Variants in PSG9 observed in about 807,000 individuals in gnomAD.
PSG9 encodes pregnancy specific beta-1-glycoprotein 9.
Under a neutral mutation model 41.9 loss-of-function variants are expected in PSG9, and 49 were observed. That is an observed-to-expected ratio of 1.17 (90% CI 0.93 to 1.48). PSG9 has a LOEUF of 1.48. PSG9 is among the 40% of genes most tolerant of loss of function. The pLI is 0.00. For missense variants in PSG9, 641 were observed against 520.3 expected (o/e 1.23, Z -2.26); for synonymous variants, 263 against 196.8 (o/e 1.34, Z -2.82).
Position 43,255,828 on chromosome 19 carries a change from C to T in PSG9, c.1244-2182G>A, listed in dbSNP as rs1189996600. On this transcript the variant is annotated intron_variant, in intron 5 of 5. Coordinates refer to ENST00000270077, the MANE Select transcript of PSG9 (RefSeq NM_002784.5). The stretch of plus-strand genomic sequence containing the variant: ...GTGAAATGATTATACCTGAAATCTA[C>T]AAAATATTGCTGAAAGAAATGAAAG... Among the ~76,000 whole-genome samples, 4 of 146,020 alleles carry T rather than the reference C, an allele frequency of 2.7e-5. 1 individual carries two copies. The highest frequency in any genetic ancestry group is 5.2e-5 in the African/African-American group (2 of 38,336).
chr19:43,269,219 T>A, intron 1 of PSG9, 149 bp downstream of exon 1: 1 of 1,374,682 alleles, frequency 7.3e-7, no homozygotes, highest in Non-Finnish European at 1.0e-6. Context: ...TTGGCCGGAC[T>A]GATCTTGAAC....
At chr19:43,262,254 C>T in intron 2 of PSG9, 116 bp from the exon 3 acceptor site, 2 of 1,513,224 alleles carry the variant, frequency 1.3e-6, no homozygotes, top group Admixed American at 2.2e-5. Flanking sequence ...CCTTAAAAGC[C>T]CATGGCAGGT....
Position 43,268,115 on chromosome 19 carries a change from A to T in PSG9, c.99T>A (p.Thr33=). The T allele has an allele frequency of 6.2e-7, 1 of 1,611,958 alleles. No individual in the cohort carries two copies. Among genetic ancestry groups the T allele is most frequent in the Admixed American group, 1.7e-5 (1 of 59,828 alleles). The change falls in exon 2 of 6, where the codon ACT becomes ACA. Residue 33 remains threonine (T), a synonymous_variant. Transcript: ENST00000270077. The part of the protein sequence containing the change: ...SLLNFWNPPT[T]AEVTIEAQPP... Reference sequence around the variant, plus strand: ...GCTGGGCTTCAATCGTGACTTCGGCAGTGGTGGGCGGGTTCCAGAAGTTTA... The same window carrying T: ...GCTGGGCTTCAATCGTGACTTCGGCTGTGGTGGGCGGGTTCCAGAAGTTTA...
chr19:43,255,145 G>A (rs1457001979), intron 5 of PSG9, among the ~76,000 whole-genome samples: 2 of 141,672 alleles, frequency 1.4e-5, no homozygotes, highest in African/African-American at 2.7e-5. Flanking sequence ...AAAATGAAGC[G>A]ATTACTACCA....
chr19:43,266,474 G>T (rs1320288831), intron 2 of PSG9, among the ~76,000 whole-genome samples: 2 of 152,052 alleles, frequency 1.3e-5, no homozygotes, highest in East Asian at 1.9e-4. Context: ...TAGGGTGTGA[G>T]TGGGGAAAGA....
chr19:43,269,357 T>C lies in PSG9; in HGVS notation c.64+11A>G. 2 of 1,613,448 alleles carry C rather than the reference T, an allele frequency of 1.2e-6. No homozygotes were observed. Among genetic ancestry groups the C allele is most frequent in the South Asian group, 1.1e-5 (1 of 91,068 alleles). On this transcript the variant is annotated intron_variant, in intron 1 of 5. Coordinates refer to ENST00000270077, the MANE Select transcript of PSG9 (RefSeq NM_002784.5). ...CTCCCCCTGTCCTCTCCCAGGAAGT[T>C]CTCTCCTCACCTGTGAGCAGGAGCC...
chr19:43,264,643 G>A (rs775489719), intron 2 of PSG9, among the ~76,000 whole-genome samples: 36 of 152,084 alleles, frequency 2.4e-4, no homozygotes, highest in Non-Finnish European at 1.5e-4. Context: ...ATTTTTAATA[G>A]AGACAGGGTT....
intron 3 of PSG9, among the ~76,000 whole-genome samples, chr19:43,261,493 T>G (rs1374511414): frequency 6.6e-6 from 1 of 152,040 alleles, no homozygotes; most frequent in Non-Finnish European, 1.5e-5. Context: ...ACAAGCGATA[T>G]TGTCAGAGGG....
chr19:43,269,313 C>A (rs1969136528), intron 1 of PSG9, 55 bp downstream of exon 1: 1 of 1,612,110 alleles, frequency 6.2e-7, no homozygotes, highest in Non-Finnish European at 8.5e-7. Context: ...CAGGAGACCC[C>A]ATCCAGTCAC....
At chr19:43,260,878 CA>C (rs1968680847) in intron 3 of PSG9, 1 of 152,054 alleles carries the variant, frequency 6.6e-6, no homozygotes, top group Non-Finnish European at 1.5e-5. Flanking sequence ...TAATTTCTTT[CA>C]GCAATGTTTT....
At chr19:43,254,634 T>C (rs1361145611) in intron 5 of PSG9, among the ~76,000 whole-genome samples, 8 of 145,788 alleles carry the variant, frequency 5.5e-5, no homozygotes, top group Non-Finnish European at 1.2e-4. Flanking sequence ...AGGGAAATAA[T>C]AAAGATTAGA....
At chr19:43,259,211 G>C in intron 3 of PSG9, 76 bp from the exon 4 acceptor site, 1 of 1,543,684 alleles carries the variant, frequency 6.5e-7, no homozygotes, top group Non-Finnish European at 8.7e-7. Flanking sequence ...AATCAGAGTT[G>C]GCATCTCCCA....
chr19:43,259,052 T>A lies in PSG9; in HGVS notation c.793A>T (p.Lys265Ter), dbSNP rs1968582950. Residue 265 changes from lysine to a stop codon, truncating the protein, a stop_gained, in exon 4 of 6, where the codon AAG becomes TAG. Transcript: ENST00000270077. LOFTEE classifies it high-confidence loss of function. ...KDVLAFTCEP[K>*]SENYTYIWWL... The stretch of plus-strand genomic sequence containing the variant: ...CAAATGTAGGTGTAGTTCTCACTCT[T>A]AGGTTCACAGGTGAAGGCTAAGACA... The A allele has an allele frequency of 6.3e-7, 1 of 1,590,724 alleles. No individual in the cohort carries two copies. The highest frequency in any genetic ancestry group is 8.5e-7 in the Non-Finnish European group (1 of 1,174,490).
chr19:43,257,383 C>G (rs1968480601), intron 5 of PSG9: 2 of 975,464 alleles, frequency 2.1e-6, no homozygotes, highest in Non-Finnish European at 2.4e-6. Flanking sequence ...TAATTACACA[C>G]TTTTTGGCAC....
intron 2 of PSG9, among the ~76,000 whole-genome samples, chr19:43,267,571 AG>A (rs879262239): frequency 2.0e-5 from 3 of 152,142 alleles, no homozygotes; most frequent in Non-Finnish European, 4.4e-5. Context: ...CTTCCTCTGC[AG>A]CGAGTGTCTG....
intron 2 of PSG9, among the ~76,000 whole-genome samples, chr19:43,263,948 A>C (rs1968846512): frequency 6.6e-6 from 1 of 152,120 alleles, no homozygotes; most frequent in Admixed American, 6.5e-5. Flanking sequence ...AATTAGGAAA[A>C]ATGGGGAGGA....
At chr19:43,265,246 T>A (rs1228514791) in intron 2 of PSG9, among the ~76,000 whole-genome samples, 1 of 152,186 alleles carries the variant, frequency 6.6e-6, no homozygotes, top group East Asian at 1.9e-4. Flanking sequence ...AGGAGGGAAC[T>A]GAATTCTGCT....
chr19:43,264,516 G>A (rs1968873799), intron 2 of PSG9, among the ~76,000 whole-genome samples: 1 of 151,858 alleles, frequency 6.6e-6, no homozygotes, highest in African/African-American at 2.4e-5. Flanking sequence ...GGAGTGCAGT[G>A]GCATGATCTC....
intron 1 of PSG9, among the ~76,000 whole-genome samples, chr19:43,269,066 G>T (rs573395503): frequency 6.6e-6 from 1 of 151,738 alleles, no homozygotes; most frequent in Non-Finnish European, 1.5e-5. Flanking sequence ...GTGCAGTGGC[G>T]GTATCTCGGC....
Sources: allele counts gnomAD v4.1 joint callset (sites outside exome capture counted in the v4.1 genomes callset), GRCh38; gene constraint gnomAD v4.1.1; transcripts MANE v1.5; gene names NCBI Gene and HGNC (gene_info 2026-07-23, HGNC 2026-07-21).